The following CTNNA2 variants were observed in gnomAD, a reference collection of about 807,000 sequenced individuals.
CTNNA2 encodes catenin alpha 2, also known as catenin alpha-2.
A neutral mutation model predicts 101.0 loss-of-function variants in CTNNA2; 42 were observed. That is an observed-to-expected ratio of 0.42 (90% CI 0.32 to 0.54). CTNNA2 has a LOEUF of 0.54. CTNNA2 is among the 20% of genes least tolerant of loss of function. CTNNA2 has a pLI of 0.14. For synonymous variants in CTNNA2, 450 were observed against 456.4 expected (o/e 0.99, Z 0.18); for missense variants, 871 against 1,223.1 (o/e 0.71, Z 4.29).
intron 7 of CTNNA2, among the ~76,000 whole-genome samples, chr2:79,982,100 A>G (rs1317895356): frequency 6.7e-6 from 1 of 148,460 alleles, no homozygotes; most frequent in Non-Finnish European, 1.5e-5. Context: ...GTGCAGTGGC[A>G]TGATCACAGT....
At chr2:79,292,154 A>C (rs1421519183) in intron 2 of CTNNA2, among the ~76,000 whole-genome samples, 2 of 152,190 alleles carry the variant, frequency 1.3e-5, no homozygotes, top group Non-Finnish European at 2.9e-5. Flanking sequence ...CCTTTAAAAA[A>C]TTGATGGTTC....
chr2:79,982,337 AAC>A (rs1691402744), intron 7 of CTNNA2, among the ~76,000 whole-genome samples: 1 of 123,306 alleles, frequency 8.1e-6, no homozygotes, highest in African/African-American at 3.2e-5. Context: ...ACACATATAA[AAC>A]ATATATAACC....
intron 3 of CTNNA2, among the ~76,000 whole-genome samples, chr2:79,820,495 C>T (rs886321164): frequency 6.6e-6 from 1 of 152,122 alleles, no homozygotes; most frequent in Non-Finnish European, 1.5e-5. Context: ...GAATGTCTTT[C>T]GATTTACTCA....
At chr2:80,013,952 T>C (rs572458420) in intron 7 of CTNNA2, among the ~76,000 whole-genome samples, 1 of 152,302 alleles carries the variant, frequency 6.6e-6, no homozygotes, top group South Asian at 2.1e-4. Context: ...GCAGTCTCTT[T>C]ATTTGCAGGA....
At chr2:80,163,601 A>G (rs1221126265) in intron 7 of CTNNA2, among the ~76,000 whole-genome samples, 4 of 152,228 alleles carry the variant, frequency 2.6e-5, no homozygotes, top group South Asian at 2.1e-4. Context: ...GGAATGTTCT[A>G]CAAGTGTTGG....
intron 7 of CTNNA2, among the ~76,000 whole-genome samples, chr2:80,213,805 A>G (rs1157449166): frequency 1.3e-5 from 2 of 152,108 alleles, no homozygotes; most frequent in African/African-American, 2.4e-5. Flanking sequence ...TCTAATGTTG[A>G]CAGTGGGGTG....
intron 2 of CTNNA2, among the ~76,000 whole-genome samples, chr2:79,676,488 T>C (rs1683192313): frequency 6.6e-6 from 1 of 152,154 alleles, no homozygotes; most frequent in African/African-American, 2.4e-5. Flanking sequence ...GTGAGATTCA[T>C]GGAGCACATG....
chr2:80,042,589 G>C (rs545160998), intron 7 of CTNNA2, among the ~76,000 whole-genome samples: 1 of 151,996 alleles, frequency 6.6e-6, no homozygotes, highest in Non-Finnish European at 1.5e-5. Context: ...ACAATGTGTC[G>C]AGAAGGATCT....
chr2:80,285,390 A>G (rs1056099880), intron 7 of CTNNA2, among the ~76,000 whole-genome samples: 2 of 152,188 alleles, frequency 1.3e-5, no homozygotes, highest in African/African-American at 4.8e-5. Flanking sequence ...GATTATTTTA[A>G]TGTCTTAATA....
chr2:80,608,146 T>C (rs1698178160), intron 16 of CTNNA2, 38 bp from the exon 17 acceptor site: 1 of 1,576,072 alleles, frequency 6.3e-7, no homozygotes, highest in African/African-American at 1.3e-5. Context: ...AACTGAAGAG[T>C]ACTTACTAAT....
rs937259271 is a variant in CTNNA2, at chr2:80,092,863, G to T, written c.1056+183066G>T. Among the ~76,000 whole-genome samples the T allele has an allele frequency of 2.0e-5, 3 of 151,980 alleles. No homozygotes were observed. In the South Asian group the frequency reaches 6.3e-4, roughly 32 times the overall value. Reference sequence around the variant, plus strand: ...ATGATTTGAAAAACAAGCATTAAGGGTTAGATAGCTTATTGTAAAACTCAA... The same window carrying T: ...ATGATTTGAAAAACAAGCATTAAGGTTTAGATAGCTTATTGTAAAACTCAA... On this transcript the variant is annotated intron_variant, in intron 7 of 18. Transcript: ENST00000402739.
intron 7 of CTNNA2, among the ~76,000 whole-genome samples, chr2:80,138,959 C>T (rs1243271026): frequency 1.3e-5 from 2 of 152,134 alleles, no homozygotes; most frequent in Admixed American, 1.3e-4. Flanking sequence ...CCTCAATTTC[C>T]ATGTTGACTA....
chr2:80,105,242 A>G (rs575055289), intron 7 of CTNNA2, among the ~76,000 whole-genome samples: 4 of 152,306 alleles, frequency 2.6e-5, no homozygotes, highest in African/African-American at 9.6e-5. Context: ...CTCCAGGCCT[A>G]CACGTGACAG....
intron 3 of CTNNA2, among the ~76,000 whole-genome samples, chr2:79,820,405 C>T (rs1677908082): frequency 6.6e-6 from 1 of 152,124 alleles, no homozygotes. Flanking sequence ...GTTCAGTTGC[C>T]AAGAAACACT....
At chr2:80,084,747 T>C (rs1159009543) in intron 7 of CTNNA2, among the ~76,000 whole-genome samples, 5 of 152,082 alleles carry the variant, frequency 3.3e-5, no homozygotes, top group Admixed American at 6.6e-5. Context: ...TGGTTGGCAG[T>C]TCCTGAGGCA....
At chr2:79,703,030 G>A (rs1005000885) in intron 2 of CTNNA2, among the ~76,000 whole-genome samples, 3 of 152,130 alleles carry the variant, frequency 2.0e-5, no homozygotes, top group African/African-American at 7.2e-5. Context: ...AGGAAGCACT[G>A]ATGAAATAAA....
intron 7 of CTNNA2, among the ~76,000 whole-genome samples, chr2:79,955,303 GA>G (rs1689146468): frequency 1.3e-5 from 2 of 152,058 alleles, no homozygotes; most frequent in Admixed American, 1.3e-4. Flanking sequence ...TTAGAAGCCA[GA>G]AAAAAATTAA....
intron 7 of CTNNA2, among the ~76,000 whole-genome samples, chr2:79,953,083 G>A (rs1217560283): frequency 6.6e-6 from 1 of 152,152 alleles, no homozygotes; most frequent in African/African-American, 2.4e-5. Flanking sequence ...TTCAAGCACA[G>A]CGATTGACAT....
intron 7 of CTNNA2, among the ~76,000 whole-genome samples, chr2:80,066,871 G>A (rs1486406801): frequency 6.6e-6 from 1 of 152,080 alleles, no homozygotes. Context: ...TAAAGAAAAC[G>A]TGGTGTATAT....
Sources: gnomAD v4.1 joint callset for allele counts (sites outside exome capture counted in the v4.1 genomes callset) on GRCh38, gnomAD v4.1.1 for gene constraint, MANE v1.5 for transcripts, NCBI Gene and HGNC (gene_info 2026-07-23, HGNC 2026-07-21) for gene names.